Variants in ATRNL1 observed in about 807,000 individuals in gnomAD.
The protein encoded by ATRNL1 is attractin like 1.
ATRNL1 carries 95 observed loss-of-function variants against 182.7 expected under a neutral mutation model. The observed-to-expected ratio is 0.52, with a 90% CI of 0.44 to 0.62. ATRNL1 has a LOEUF of 0.62. Ranked by LOEUF, ATRNL1 falls within the 20% of genes least tolerant of loss-of-function variation. ATRNL1 has a pLI of 0.00. For synonymous variants in ATRNL1, 576 were observed against 568.3 expected (o/e 1.01, Z -0.19); for missense variants, 1,471 against 1,679.5 (o/e 0.88, Z 2.17).
chr10:115,865,436 A>G (rs1555104516), intron 28 of ATRNL1, among the ~76,000 whole-genome samples: 1 of 152,170 alleles, frequency 6.6e-6, no homozygotes, highest in African/African-American at 2.4e-5. Context: ...TTCAATCTAT[A>G]GTTTACAGGC....
intron 23 of ATRNL1, 77 bp from the exon 24 acceptor site, chr10:115,469,095 T>TA (rs1215748669): frequency 3.9e-6 from 2 of 509,396 alleles, no homozygotes; most frequent in East Asian, 7.6e-5. Context: ...AGAGCAATTA[T>TA]AAAAAACTAT....
intron 24 of ATRNL1, among the ~76,000 whole-genome samples, chr10:115,483,652 A>T (rs1554974605): frequency 6.6e-6 from 1 of 151,530 alleles, no homozygotes; most frequent in African/African-American, 2.4e-5. Context: ...TAAAATCTAG[A>T]TGTTAGAAGA....
chr10:115,109,544 A>G (rs1844171345), intron 1 of ATRNL1, among the ~76,000 whole-genome samples: 1 of 152,198 alleles, frequency 6.6e-6, no homozygotes, highest in African/African-American at 2.4e-5. Context: ...CTATGCTCTC[A>G]TGGCCTAATC....
intron 26 of ATRNL1, among the ~76,000 whole-genome samples, chr10:115,703,765 A>G (rs1946812676): frequency 6.6e-6 from 1 of 151,900 alleles, no homozygotes; most frequent in African/African-American, 2.4e-5. Flanking sequence ...GAAAACCAGA[A>G]TGCTCTATAA....
intron 26 of ATRNL1, among the ~76,000 whole-genome samples, chr10:115,571,204 C>T (rs1251924576): frequency 6.6e-6 from 1 of 152,136 alleles, no homozygotes; most frequent in Non-Finnish European, 1.5e-5. Context: ...CTATAATTTC[C>T]ACAGTGTCAC....
chr10:115,562,008 A>G (rs536796847), intron 26 of ATRNL1, among the ~76,000 whole-genome samples: 11 of 152,156 alleles, frequency 7.2e-5, no homozygotes, highest in African/African-American at 2.7e-4. Context: ...TGACCCAGCA[A>G]TTCCACTCTT....
At chr10:115,534,968 G>A (rs562647297) in intron 25 of ATRNL1, among the ~76,000 whole-genome samples, 27 of 152,170 alleles carry the variant, frequency 1.8e-4, no homozygotes, top group Middle Eastern at 3.4e-3. Context: ...AGTTTCTGCT[G>A]AGAGATCCGC....
At position 115,330,846 on chromosome 10, in the gene ATRNL1, TA is replaced by T. The variant is rs1313647135; in HGVS notation, c.3038-3435del. Among the ~76,000 whole-genome samples, 25 of 150,498 alleles carry T rather than the reference TA, an allele frequency of 1.7e-4. No homozygotes were observed. In the Middle Eastern group the frequency reaches 0.017, roughly 102 times the overall value. Reference sequence around the variant, plus strand: ...TTCTTCAGGTTTGGACATTTTCTGTTATTTTTTTTAAATAAGCTTTCTTCCC... The same window carrying T: ...TTCTTCAGGTTTGGACATTTTCTGTTTTTTTTTTAAATAAGCTTTCTTCCC... On this transcript the variant is annotated intron_variant, in intron 18 of 28. Transcript: ENST00000355044.
chr10:115,518,824 T>C (rs1384708472), intron 24 of ATRNL1, among the ~76,000 whole-genome samples: 1 of 151,918 alleles, frequency 6.6e-6, no homozygotes, highest in African/African-American at 2.4e-5. Flanking sequence ...ATTAACAAGT[T>C]TTAAAATGAT....
At chr10:115,888,642 A>ATT (rs1952009080) in intron 28 of ATRNL1, among the ~76,000 whole-genome samples, 1 of 152,154 alleles carries the variant, frequency 6.6e-6, no homozygotes, top group African/African-American at 2.4e-5. Flanking sequence ...ATTACTATGC[A>ATT]TTTTTCTCTC....
intron 18 of ATRNL1, among the ~76,000 whole-genome samples, chr10:115,330,448 A>AT (rs1227624973): frequency 4.0e-5 from 6 of 151,690 alleles, no homozygotes; most frequent in Admixed American, 6.6e-5. Context: ...TCCTGAAAGT[A>AT]TTTTTTTTGT....
chr10:115,652,095 T>C (rs553470893), intron 26 of ATRNL1, among the ~76,000 whole-genome samples: 1 of 152,220 alleles, frequency 6.6e-6, no homozygotes, highest in African/African-American at 2.4e-5. Context: ...CAAAGTAGAC[T>C]CCTAAATAAT....
At chr10:115,587,992 A>G (rs1194521648) in intron 26 of ATRNL1, among the ~76,000 whole-genome samples, 1 of 152,228 alleles carries the variant, frequency 6.6e-6, no homozygotes, top group East Asian at 1.9e-4. Context: ...AAATTCAAGT[A>G]TAATAGTAAA....
At position 115,170,611 on chromosome 10, in the gene ATRNL1, G is replaced by A. The variant is rs1264754; in HGVS notation, c.1093-426G>A. On this transcript the variant is annotated intron_variant, in intron 7 of 28. Transcript: ENST00000355044. ...TGAAGACTATGAGTAATATTAATCA[G>A]CAACTTAGTTTGTTATCTTCAGTTA... Among the ~76,000 whole-genome samples, 1,093 of 151,200 alleles carry A rather than the reference G, an allele frequency of 7.2e-3. 13 individuals are homozygous for A. Among genetic ancestry groups the A allele is most frequent in the African/African-American group, 0.026 (1,058 of 40,648 alleles).
At chr10:115,323,111 A>G (rs1455463625) in intron 18 of ATRNL1, among the ~76,000 whole-genome samples, 1 of 151,446 alleles carries the variant, frequency 6.6e-6, no homozygotes, top group Non-Finnish European at 1.5e-5. Flanking sequence ...CAGTGTTTCT[A>G]TTATTCATGT....
intron 8 of ATRNL1, among the ~76,000 whole-genome samples, chr10:115,176,138 C>G (rs1554886637): frequency 1.3e-5 from 2 of 152,006 alleles, no homozygotes; most frequent in Admixed American, 6.6e-5. Flanking sequence ...ATATCCTTCA[C>G]CCACTTTTTG....
intron 9 of ATRNL1, among the ~76,000 whole-genome samples, chr10:115,237,494 A>G (rs147383638): frequency 2.6e-4 from 39 of 152,346 alleles, no homozygotes; most frequent in African/African-American, 8.7e-4. Context: ...AATGTGGGAT[A>G]TCTTTTAACA....
intron 19 of ATRNL1, among the ~76,000 whole-genome samples, chr10:115,383,051 T>C (rs2134238123): frequency 6.6e-6 from 1 of 151,948 alleles, no homozygotes; most frequent in South Asian, 2.1e-4. Context: ...TTTTTAATGA[T>C]GAAAGAACAT....
At position 115,215,771 on chromosome 10, in the gene ATRNL1, G is replaced by T; in HGVS notation, c.1423G>T (p.Asp475Tyr). ...QGGYGHTSVY[D>Y]EITKSIYVHG... is the part of the protein sequence containing the mutation. ...TGGATATGGCCATACTAGTGTGTAT[G>T]ATGAAATAACAAAGTCCATTTATGT... Residue 475 changes from aspartate to tyrosine, a missense_variant, in exon 9 of 29, where the codon GAT (aspartate) becomes TAT (tyrosine). Transcript: ENST00000355044. The T allele has an allele frequency of 6.2e-7, 1 of 1,610,146 alleles. No homozygotes were observed. The highest frequency in any genetic ancestry group is 1.3e-5 in the African/African-American group (1 of 74,832).
Sources: allele counts gnomAD v4.1 joint callset (sites outside exome capture counted in the v4.1 genomes callset), GRCh38; gene constraint gnomAD v4.1.1; transcripts MANE v1.5; gene names NCBI Gene and HGNC (gene_info 2026-07-23, HGNC 2026-07-21).